The following ADGRB1 variants were observed in gnomAD, a reference collection of about 807,000 sequenced individuals.
ADGRB1 encodes the protein brain-specific angiogenesis inhibitor 1.
ADGRB1 carries 36 observed loss-of-function variants against 175.7 expected under a neutral mutation model. The ratio of observed to expected loss-of-function variants is 0.20; its 90% CI spans 0.16 to 0.27. The LOEUF is 0.27. Among genes scored for constraint, ADGRB1 ranks in the 10% least tolerant of loss-of-function variants. ADGRB1 has a pLI of 1.00. For missense variants in ADGRB1, 1,731 were observed against 2,255.3 expected, an observed-to-expected ratio of 0.77 and a Z score of 4.71; for synonymous variants, 1,054 against 979.4, an observed-to-expected ratio of 1.08 and a Z score of -1.42.
chr8:142,470,666 G>A (rs1840613773), intron 2 of ADGRB1, among the ~76,000 whole-genome samples: 1 of 152,154 alleles, frequency 6.6e-6, no homozygotes, highest in African/African-American at 2.4e-5. Flanking sequence ...GGGAGGCTGG[G>A]CTGGAACTGG....
intron 22 of ADGRB1, 78 bp downstream of exon 22, chr8:142,522,788 T>C: frequency 7.5e-7 from 1 of 1,331,176 alleles, no homozygotes; most frequent in African/African-American, 1.5e-5. Flanking sequence ...GGGTGAGGGC[T>C]GGCCATGCCC....
chr8:142,508,135 T>G (rs947414526), intron 17 of ADGRB1, among the ~76,000 whole-genome samples: 1 of 152,130 alleles, frequency 6.6e-6, no homozygotes, highest in African/African-American at 2.4e-5. Flanking sequence ...TGCAAGGGAC[T>G]GTCAGAGATA....
intron 24 of ADGRB1, among the ~76,000 whole-genome samples, chr8:142,529,959 CCA>C (rs1235690308): frequency 6.8e-5 from 10 of 147,868 alleles, no homozygotes; most frequent in Admixed American, 3.4e-4. Flanking sequence ...TGAGTGCAAC[CCA>C]GTGTGCATAC....
chr8:142,481,462 C>T, intron 10 of ADGRB1, 55 bp from the exon 11 acceptor site: 1 of 1,578,896 alleles, frequency 6.3e-7, no homozygotes, highest in Non-Finnish European at 8.6e-7. Context: ...TCCTGGGTGG[C>T]TGCCTGGACA....
At chr8:142,460,965 G>T (rs1444839560) in intron 1 of ADGRB1, among the ~76,000 whole-genome samples, 1 of 152,212 alleles carries the variant, frequency 6.6e-6, no homozygotes, top group Non-Finnish European at 1.5e-5. Flanking sequence ...GCCACCTCTT[G>T]CCTACAGGGT....
At position 142,505,299 on chromosome 8, in the gene ADGRB1, G is replaced by T. The variant is rs181644402; in HGVS notation, c.2676-5633G>T. On this transcript the variant is annotated intron_variant, in intron 17 of 30. Transcript: ENST00000517894. Reference sequence around the variant, plus strand: ...TCTAGGCGCTTGCCGGGGGTGCAGGGCAGGGGCCCCAAGAGCACAGGAGCC... The same window carrying T: ...TCTAGGCGCTTGCCGGGGGTGCAGGTCAGGGGCCCCAAGAGCACAGGAGCC... Among the ~76,000 whole-genome samples the T allele has an allele frequency of 3.0e-4, 45 of 152,340 alleles. No homozygotes were observed. In the East Asian group the frequency reaches 7.5e-3, roughly 25 times the overall value.
At chr8:142,521,516 G>A (rs1157532612) in intron 20 of ADGRB1, among the ~76,000 whole-genome samples, 1 of 152,264 alleles carries the variant, frequency 6.6e-6, no homozygotes, top group Non-Finnish European at 1.5e-5. Flanking sequence ...AGGGCCCGCA[G>A]TGAGACAGAG....
Position 142,518,128 on chromosome 8 carries a change from G to T in ADGRB1, c.2818-10G>T. ...CCTCACTCCCTGCGGTCTCTTCCCGGTCCCCACAGAACATGGAGAAGGCGA... is the reference window on the plus strand; with the variant it reads ...CCTCACTCCCTGCGGTCTCTTCCCGTTCCCCACAGAACATGGAGAAGGCGA... On this transcript the variant is annotated splice_polypyrimidine_tract_variant and intron_variant, in intron 18 of 30. Coordinates refer to ENST00000517894, the MANE Select transcript of ADGRB1 (RefSeq NM_001702.3). 6.2e-7 allele frequency: 1 copy of T among 1,613,178 alleles called. No homozygotes were observed. Among genetic ancestry groups the T allele is most frequent in the Non-Finnish European group, 8.5e-7 (1 of 1,179,544 alleles).
At position 142,455,019 on chromosome 8, in the gene ADGRB1, C is replaced by T. The variant is rs569316250; in HGVS notation, c.-220+4915C>T. On this transcript the variant is annotated intron_variant, in intron 1 of 30. Transcript: ENST00000517894. The surrounding 1 kb of genome is among the most constrained non-coding windows in gnomAD (Gnocchi z 4.9). Reference sequence around the variant, plus strand: ...AAACACAAACATGCACACACCCACCCCTTCTGTCCCCTGTCCTGCTCATCG... The same window carrying T: ...AAACACAAACATGCACACACCCACCTCTTCTGTCCCCTGTCCTGCTCATCG... Among the ~76,000 whole-genome samples, 1 of 152,032 alleles carries T rather than the reference C, an allele frequency of 6.6e-6. No homozygotes were observed. Among genetic ancestry groups the T allele is most frequent in the South Asian group, 2.1e-4 (1 of 4,814 alleles).
At chr8:142,513,101 A>G (rs1587382215) in intron 18 of ADGRB1, among the ~76,000 whole-genome samples, 1 of 152,296 alleles carries the variant, frequency 6.6e-6, no homozygotes, top group East Asian at 1.9e-4. Context: ...GCAGGATGCC[A>G]GCAGGCATGT....
rs990887882 is a variant in ADGRB1 at position 142,504,374 on chromosome 8, T to C, written c.2676-6558T>C. Among the ~76,000 whole-genome samples the C allele has an allele frequency of 5.9e-5, 9 of 152,170 alleles. No individual in the cohort carries two copies. Among genetic ancestry groups the C allele is most frequent in the African/African-American group, 2.4e-5 (1 of 41,438 alleles). ...CTGGAGGCAGCAGAGGGCGTGTGTT[T>C]GCTGGGTTACCTGCTGGGCTGGCCT... On this transcript the variant is annotated intron_variant, in intron 17 of 30. Coordinates refer to ENST00000517894, the MANE Select transcript of ADGRB1 (RefSeq NM_001702.3). This position sits in a 1 kb window ranked among gnomAD's most constrained non-coding sequence, Gnocchi z 5.6.
At chr8:142,520,141 G>C (rs1401466278) in intron 19 of ADGRB1, among the ~76,000 whole-genome samples, 1 of 133,392 alleles carries the variant, frequency 7.5e-6, no homozygotes, top group Non-Finnish European at 1.6e-5. Flanking sequence ...GGTGGTGATG[G>C]TGATGGTGTG....
intron 9 of ADGRB1, among the ~76,000 whole-genome samples, chr8:142,480,659 C>T (rs112121168): frequency 5.9e-5 from 9 of 152,354 alleles, no homozygotes; most frequent in Middle Eastern, 3.4e-3. Context: ...GCATCTGCAT[C>T]CAGTCCTGTG....
Position 142,477,257 on chromosome 8 carries a change from A to C in ADGRB1, c.1201A>C (p.Asn401His), listed in dbSNP as rs767472082. The change falls in exon 5 of 31, where the codon AAC (asparagine) becomes CAC (histidine). Residue 401 changes from asparagine to histidine, a missense_variant. Coordinates refer to ENST00000517894, the MANE Select transcript of ADGRB1 (RefSeq NM_001702.3). ...SGPLREQRLC[N>H]NSAVCPVHGA... is the part of the protein sequence containing the mutation. ...ACCCCTGCGCGAGCAGCGGCTGTGC[A>C]ACAACTCTGCCGTGTGCCCAGGTGG... The C allele has an allele frequency of 6.3e-7, 1 of 1,580,780 alleles. No individual in the cohort carries two copies. Among genetic ancestry groups the C allele is most frequent in the South Asian group, 1.1e-5 (1 of 89,922 alleles).
chr8:142,498,289 T>A (rs1343763519), intron 17 of ADGRB1, among the ~76,000 whole-genome samples: 2 of 152,188 alleles, frequency 1.3e-5, no homozygotes, highest in Non-Finnish European at 2.9e-5. Context: ...CTGCCATGGC[T>A]CCAGGCACAC....
At chr8:142,521,530 G>C (rs1362600622) in intron 20 of ADGRB1, among the ~76,000 whole-genome samples, 1 of 152,250 alleles carries the variant, frequency 6.6e-6, no homozygotes, top group Non-Finnish European at 1.5e-5. Flanking sequence ...GACAGAGAAG[G>C]CCTGGCCCCA....
chr8:142,483,501 C>G (rs1033351694), intron 11 of ADGRB1, among the ~76,000 whole-genome samples: 8 of 147,482 alleles, frequency 5.4e-5, no homozygotes, highest in African/African-American at 2.0e-4. Context: ...GAACCCTGGC[C>G]CTGGTCACAC....
Position 142,464,420 on chromosome 8 carries a change from C to T in ADGRB1, c.222C>T (p.Asn74=), listed in dbSNP as rs914219243. Reference sequence around the variant, plus strand: ...CGCGCTGCTCCTGGACGCTACGCAACCCGGACCCGCGGCGCTACACTCTCT... The same window carrying T: ...CGCGCTGCTCCTGGACGCTACGCAATCCGGACCCGCGGCGCTACACTCTCT... ...NASRCSWTLR[N]PDPRRYTLYM... is the part of the protein sequence containing the mutation. The change falls in exon 2 of 31, where the codon AAC becomes AAT. Residue 74 remains asparagine, a synonymous_variant. Transcript: ENST00000517894. 1.9e-6 allele frequency: 3 copies of T among 1,551,866 alleles called. No homozygotes were observed. Among genetic ancestry groups the T allele is most frequent in the African/African-American group, 2.8e-5 (2 of 71,986 alleles).
chr8:142,468,596 C>G (rs1431702196), intron 2 of ADGRB1, among the ~76,000 whole-genome samples: 2 of 152,214 alleles, frequency 1.3e-5, no homozygotes, highest in Non-Finnish European at 2.9e-5. Context: ...CCAGAGGCAC[C>G]TGCACGGGAG....
Sources: gnomAD v4.1 joint callset for allele counts (sites outside exome capture counted in the v4.1 genomes callset) on GRCh38, gnomAD v4.1.1 for gene constraint, Gnocchi (gnomAD v3.1) non-coding constraint, MANE v1.5 for transcripts, NCBI Gene and HGNC (gene_info 2026-07-23, HGNC 2026-07-21) for gene names.